CRYBG2: variants seen among roughly 807,000 people sequenced by gnomAD.
The protein encoded by CRYBG2 is beta/gamma crystallin domain-containing protein 2.
CRYBG2 carries 106 observed loss-of-function variants against 153.4 expected under a neutral mutation model. The ratio of observed to expected loss-of-function variants is 0.69; its 90% CI spans 0.59 to 0.81. The LOEUF (loss-of-function observed/expected upper bound fraction) is 0.81, where lower values mean the gene tolerates loss of function less well. Among genes scored for constraint, CRYBG2 ranks in the 30% least tolerant of loss-of-function variants. CRYBG2 has a pLI of 0.00. For synonymous variants in CRYBG2, 851 were observed against 877.8 expected (o/e 0.97, Z 0.54); for missense variants, 1,996 against 2,112.0 (o/e 0.95, Z 1.08).
At chr1:26,347,323 TCA>T (rs1196657700) in intron 1 of CRYBG2, among the ~76,000 whole-genome samples, 1 of 125,874 alleles carries the variant, frequency 7.9e-6, no homozygotes, top group Non-Finnish European at 1.6e-5. Flanking sequence ...AGACAGAATC[TCA>T]CTCTGTTACC....
Position 26,345,704 on chromosome 1 carries a change from G to A in CRYBG2, c.954C>T (p.Gly318=). ...APAACPDRDQ[G]RAPDARACEL... is the part of the protein sequence containing the mutation. The stretch of plus-strand genomic sequence containing the variant: ...CACAGGCCCTGGCATCCGGGGCTCT[G>A]CCCTGGTCTCTGTCCGGACAGGCTG... The change falls in exon 2 of 20, where the codon GGC becomes GGT. Residue 318 remains glycine, a synonymous_variant. Transcript: ENST00000308182. 6.3e-7 allele frequency: 1 copy of A among 1,597,896 alleles called. No individual in the cohort carries two copies.
chr1:26,329,396 C>G (rs1412220451), intron 15 of CRYBG2, among the ~76,000 whole-genome samples: 1 of 151,876 alleles, frequency 6.6e-6, no homozygotes, highest in African/African-American at 2.4e-5. Context: ...TGGCTGGTCT[C>G]AAACTCCTGA....
rs2074059488 is a variant in CRYBG2 at position 26,336,582 on chromosome 1, C to T, written c.4038+24G>A. ...TCCAGGTCCCGCCACCGGGGAGGCC[C>T]CGCCCCCCGCGGCCGGCACGCACCT... is the stretch of plus-strand genomic sequence containing the variant. On this transcript the variant is annotated intron_variant, in intron 12 of 19. Transcript: ENST00000308182. This position sits in a 1 kb window ranked among gnomAD's most constrained non-coding sequence, Gnocchi z 4.9. 1.7e-5 allele frequency: 27 copies of T among 1,544,678 alleles called. No individual in the cohort carries two copies. The highest frequency in any genetic ancestry group is 2.2e-5 in the Non-Finnish European group (25 of 1,144,270).
chr1:26,337,984 T>A, intron 8 of CRYBG2, 28 bp downstream of exon 8: 1 of 1,610,802 alleles, frequency 6.2e-7, no homozygotes, highest in Non-Finnish European at 8.5e-7. Context: ...CCAAAGGCCC[T>A]CTTTGGCTCT....
At chr1:26,329,662 G>A (rs1242541506) in intron 15 of CRYBG2, among the ~76,000 whole-genome samples, 1 of 151,986 alleles carries the variant, frequency 6.6e-6, no homozygotes, top group African/African-American at 2.4e-5. Context: ...TGTAGAGACA[G>A]GGTCTCACCA....
rs746350364 is a variant in CRYBG2 at position 26,343,337 on chromosome 1, C to A, written c.2914-44G>T. ...ATAAAGAAGTCCTGTGGGGTCACCT[C>A]TTTTCTGCCTCCCCACAACCCGCCA... On this transcript the variant is annotated intron_variant, in intron 2 of 19. Transcript: ENST00000308182. The surrounding 1 kb of genome is among the most constrained non-coding windows in gnomAD (Gnocchi z 4.1). 10 of 1,543,390 alleles carry A rather than the reference C, an allele frequency of 6.5e-6. No individual in the cohort carries two copies. The highest frequency in any genetic ancestry group is 7.9e-6 in the Non-Finnish European group (9 of 1,140,956).
At position 26,346,369 on chromosome 1, in the gene CRYBG2, A is replaced by G; in HGVS notation, c.289T>C (p.Phe97Leu). ...GGAGGTGGTATGTACTTCTTGGAAAAGATGGGTCCATGGCTCTGGAAGTTC... is the reference window on the plus strand; with the variant it reads ...GGAGGTGGTATGTACTTCTTGGAAAGGATGGGTCCATGGCTCTGGAAGTTC... The part of the protein sequence containing the change: ...SKNFQSHGPI[F>L]SKKYIPPPKE... Residue 97 changes from phenylalanine (F) to leucine (L), a missense_variant, in exon 2 of 20, where the codon TTT becomes CTT. Coordinates refer to ENST00000308182, the MANE Select transcript of CRYBG2 (RefSeq NM_001039775.4). This position sits in a 1 kb window ranked among gnomAD's most constrained non-coding sequence, Gnocchi z 4.9. The G allele has an allele frequency of 1.3e-6, 2 of 1,599,448 alleles. No individual in the cohort carries two copies. The highest frequency in any genetic ancestry group is 1.7e-5 in the Admixed American group (1 of 59,994).
chr1:26,347,295 T>TTTG (rs1490102182), intron 1 of CRYBG2, among the ~76,000 whole-genome samples: 18 of 136,914 alleles, frequency 1.3e-4, no homozygotes, highest in African/African-American at 5.0e-4. Flanking sequence ...TTTTTTTTTT[T>TTTG]TTTTTTTTTT....
intron 1 of CRYBG2, among the ~76,000 whole-genome samples, chr1:26,348,835 C>A (rs1198798722): frequency 6.7e-6 from 1 of 149,820 alleles, no homozygotes; most frequent in East Asian, 2.1e-4. Flanking sequence ...GGATTATAGA[C>A]GTGAGCCACT....
chr1:26,344,081 G>A lies in CRYBG2; in HGVS notation c.2577C>T (p.Asp859=). Residue 859 remains aspartate (D), a synonymous_variant, in exon 2 of 20, where the codon GAC becomes GAT. Coordinates refer to ENST00000308182, the MANE Select transcript of CRYBG2 (RefSeq NM_001039775.4). The stretch of plus-strand genomic sequence containing the variant: ...CCTGGGTGGGTCTGGCAGGGTGGAG[G>A]TCCCTGGAGGGGCTGGGCCCAGCTT... ...QEKAGPSPSR[D]LHPARPTQVS... 1 of 1,536,152 alleles carries A rather than the reference G, an allele frequency of 6.5e-7. No individual in the cohort carries two copies. The highest frequency in any genetic ancestry group is 1.2e-5 in the South Asian group (1 of 84,060).
At position 26,339,407 on chromosome 1, in the gene CRYBG2, C is replaced by G; in HGVS notation, c.3227G>C (p.Ser1076Thr). Reference sequence around the variant, plus strand: ...CTTGAGGCCCTCCTCAGAGAAGAGGCTGATTTCCGGGGTGCTGTAGTCCTG... The same window carrying G: ...CTTGAGGCCCTCCTCAGAGAAGAGGGTGATTTCCGGGGTGCTGTAGTCCTG... ...VVWDYSTPEI[S>T]LFSEEGLKGE... The change falls in exon 6 of 20, where the codon AGC becomes ACC. Residue 1076 changes from serine (S) to threonine (T), a missense_variant. Transcript: ENST00000308182. 4 of 1,614,116 alleles carry G rather than the reference C, an allele frequency of 2.5e-6. No homozygotes were observed. Among genetic ancestry groups the G allele is most frequent in the Non-Finnish European group, 3.4e-6 (4 of 1,180,040 alleles).
At chr1:26,326,833 C>A in intron 17 of CRYBG2, 1 of 515,040 alleles carries the variant, frequency 1.9e-6, no homozygotes, top group Non-Finnish European at 3.9e-6. Flanking sequence ...GTGGCGTGTG[C>A]CCAGGCAGAC....
chr1:26,331,457 G>A lies in CRYBG2; in HGVS notation c.4314+32C>T, dbSNP rs188202128. ...TCCCACAGCAGCAACTTCTGCTTCC[G>A]GGATTGCCTGGAACCAGACATGGAA... On this transcript the variant is annotated intron_variant, in intron 15 of 19. Transcript: ENST00000308182. 4.0e-3 allele frequency: 6,328 copies of A among 1,596,642 alleles called. 20 individuals are homozygous for A. Among genetic ancestry groups the A allele is most frequent in the Non-Finnish European group, 4.7e-3 (5,531 of 1,166,618 alleles).
At chr1:26,337,942 G>T in intron 8 of CRYBG2, 70 bp downstream of exon 8, 1 of 1,568,744 alleles carries the variant, frequency 6.4e-7, no homozygotes, top group South Asian at 1.2e-5. Context: ...TTCCTGTCCA[G>T]ACCACGATAA....
rs1373370302 is a variant in CRYBG2, at chr1:26,325,999, C to T, written c.4579-1689G>A. ...CTCACTGTAGCCTCAAACTCCTGGGCTCAGGTGATCCTCCCGAGTAGCTGG... is the reference window on the plus strand; with the variant it reads ...CTCACTGTAGCCTCAAACTCCTGGGTTCAGGTGATCCTCCCGAGTAGCTGG... On this transcript the variant is annotated intron_variant, in intron 17 of 19. Transcript: ENST00000308182. The surrounding 1 kb of genome is among the most constrained non-coding windows in gnomAD (Gnocchi z 4.1). Among the ~76,000 whole-genome samples the T allele has an allele frequency of 6.6e-6, 1 of 152,048 alleles. No homozygotes were observed. The highest frequency in any genetic ancestry group is 1.5e-5 in the Non-Finnish European group (1 of 68,024).
chr1:26,324,204 TG>T lies in CRYBG2; in HGVS notation c.4684del (p.Gln1562LysfsTer15). ...KAGRVVVADP[Q>X]AGGSCIWYYE... ...GTACCAGATGCAGCTACCTCCAGCTTGGGGGTCGGCGACCACCACACGGCCT... is the reference window on the plus strand; with the variant it reads ...GTACCAGATGCAGCTACCTCCAGCTTGGGGTCGGCGACCACCACACGGCCT... On this transcript the variant is annotated frameshift_variant, in exon 18 of 20. Coordinates refer to ENST00000308182, the MANE Select transcript of CRYBG2 (RefSeq NM_001039775.4). LOFTEE classifies it high-confidence loss of function. 2 of 1,613,100 alleles carry T rather than the reference TG, an allele frequency of 1.2e-6. No homozygotes were observed.
In CRYBG2 at chr1:26,321,979, G is replaced by A. The variant is rs2073862066; in HGVS notation, c.4975C>T (p.His1659Tyr). The A allele has an allele frequency of 6.3e-7, 1 of 1,586,978 alleles. No individual in the cohort carries two copies. Among genetic ancestry groups the A allele is most frequent in the East Asian group, 2.3e-5 (1 of 43,840 alleles). ...TGAGGGGAAAAGTTTCAAAGCACGT[G>A]GATAGTCCAGATCTGGGATGCCCTG... ...EDRASQIWTI[H>Y]VL The change falls in exon 20 of 20, where the codon CAC (histidine) becomes TAC (tyrosine). Residue 1659 changes from histidine (H) to tyrosine (Y), a missense_variant. His to Tyr is a moderately conservative substitution (Grantham distance 83). Transcript: ENST00000308182.
chr1:26,338,631 C>T (rs1382509353), intron 6 of CRYBG2, among the ~76,000 whole-genome samples, 154 bp from the exon 7 acceptor site: 2 of 152,306 alleles, frequency 1.3e-5, no homozygotes, highest in Non-Finnish European at 1.5e-5. Flanking sequence ...ACATTGGTCT[C>T]CCTTCCTCTG....
chr1:26,325,508 C>T lies in CRYBG2; in HGVS notation c.4579-1198G>A, dbSNP rs1233183458. On this transcript the variant is annotated intron_variant, in intron 17 of 19. Transcript: ENST00000308182. The surrounding 1 kb of genome is among the most constrained non-coding windows in gnomAD (Gnocchi z 4.1). The stretch of plus-strand genomic sequence containing the variant: ...CCGGGAGATGTAGGTTGCAGTGAGC[C>T]GAGATCACACCACTGCACTCCAGCC... Among the ~76,000 whole-genome samples the T allele has an allele frequency of 1.3e-5, 2 of 151,422 alleles. No homozygotes were observed. The highest frequency in any genetic ancestry group is 6.6e-5 in the Admixed American group (1 of 15,192).
Sources: allele counts gnomAD v4.1 joint callset (sites outside exome capture counted in the v4.1 genomes callset), GRCh38; gene constraint gnomAD v4.1.1; non-coding constraint Gnocchi (gnomAD v3.1); transcripts MANE v1.5; gene names NCBI Gene and HGNC (gene_info 2026-07-23, HGNC 2026-07-21).